TENM2: variants seen among roughly 807,000 people sequenced by gnomAD.
The protein encoded by TENM2 is teneurin-2.
Under a neutral mutation model 245.2 loss-of-function variants are expected in TENM2, and 52 were observed. The observed-to-expected ratio is 0.21, with a 90% CI of 0.17 to 0.27. The LOEUF is 0.27. Among genes scored for constraint, TENM2 ranks in the 10% least tolerant of loss-of-function variants. TENM2 has a pLI of 1.00. For missense variants in TENM2, 3,046 were observed against 3,666.8 expected (o/e 0.83, Z 4.37); for synonymous variants, 1,363 against 1,438.9 (o/e 0.95, Z 1.19).
At chr5:168,209,789 C>G (rs760535713) in intron 19 of TENM2, among the ~76,000 whole-genome samples, 1 of 152,198 alleles carries the variant, frequency 6.6e-6, no homozygotes, top group Non-Finnish European at 1.5e-5. Context: ...CCCTAACTCT[C>G]TCCTGGGCCT....
At chr5:168,085,245 C>T (rs571311093) in intron 7 of TENM2, 5 of 152,304 alleles carry the variant, frequency 3.3e-5, no homozygotes, top group Admixed American at 6.5e-5. Context: ...ATTACTTTTG[C>T]TGCTGCTGCA....
intron 2 of TENM2, among the ~76,000 whole-genome samples, chr5:167,617,298 CTG>C (rs1459227715): frequency 2.0e-5 from 3 of 152,076 alleles, no homozygotes; most frequent in Admixed American, 6.5e-5. Flanking sequence ...CCAGTAAAGT[CTG>C]TGGTTTAGTT....
exon 16 of TENM2, chr5:168,198,984 C>A (rs1476486220): frequency 6.2e-7 from 1 of 1,614,012 alleles, no homozygotes; most frequent in Non-Finnish European, 8.5e-7. Flanking sequence ...GTGATGAAGA[C>A]CGAGGAGAAC....
chr5:167,791,506 TTATAA>T (rs1458514425), intron 2 of TENM2, among the ~76,000 whole-genome samples: 2 of 51,172 alleles, frequency 3.9e-5, no homozygotes, highest in Admixed American at 2.5e-4. Flanking sequence ...TTTTTATATA[TTATAA>T]TATATAAATA....
At chr5:168,051,265 G>T (rs1420330491) in intron 6 of TENM2, among the ~76,000 whole-genome samples, 1 of 152,110 alleles carries the variant, frequency 6.6e-6, no homozygotes, top group East Asian at 1.9e-4. Context: ...CTATATCAGG[G>T]GTCAGCAAAC....
At chr5:167,239,675 AAAAT>A in the TENM2 span, among the ~76,000 whole-genome samples, 1 of 152,252 alleles carries the variant, frequency 6.6e-6, no homozygotes, top group Non-Finnish European at 1.5e-5. Flanking sequence ...AACAGTGCCT[AAAAT>A]AAAGAACATC....
intron 2 of TENM2, among the ~76,000 whole-genome samples, chr5:167,438,091 T>G (rs1441265143): frequency 1.3e-5 from 2 of 152,168 alleles, no homozygotes; most frequent in East Asian, 3.9e-4. Context: ...CCATATAAAA[T>G]ATAGTCTACT....
intron 2 of TENM2, among the ~76,000 whole-genome samples, chr5:167,585,654 T>C (rs890175452): frequency 1.2e-4 from 18 of 152,220 alleles, no homozygotes; most frequent in African/African-American, 4.3e-4. Flanking sequence ...TATTTCTATG[T>C]TACACAAAGA....
chr5:168,158,831 A>G (rs868462298), intron 12 of TENM2, among the ~76,000 whole-genome samples: 1,248 of 72,826 alleles, frequency 0.017, 34 homozygotes, highest in African/African-American at 0.057. Flanking sequence ...GTGTGTGTGT[A>G]TATATATATA....
chr5:167,139,432 A>G, the TENM2 span, among the ~76,000 whole-genome samples: 2 of 152,260 alleles, frequency 1.3e-5, no homozygotes, highest in African/African-American at 4.8e-5. Context: ...TGTATGACAC[A>G]TAGATTCATA....
intron 2 of TENM2, among the ~76,000 whole-genome samples, chr5:167,384,476 A>G (rs964033027): frequency 6.6e-6 from 1 of 152,160 alleles, no homozygotes; most frequent in Non-Finnish European, 1.5e-5. Context: ...AAAAATTCCA[A>G]CTCCAGTCAG....
chr5:167,723,268 C>T (rs1336451715), intron 2 of TENM2, among the ~76,000 whole-genome samples: 2 of 152,112 alleles, frequency 1.3e-5, no homozygotes, highest in Non-Finnish European at 2.9e-5. Context: ...TCATTCCAGA[C>T]GCCCAGCCTG....
the TENM2 span, among the ~76,000 whole-genome samples, chr5:167,214,451 C>G: frequency 2.0e-5 from 3 of 152,154 alleles, no homozygotes; most frequent in Non-Finnish European, 4.4e-5. Context: ...AATTCAGAAC[C>G]TTCCTGCATT....
chr5:167,583,795 C>G (rs1775279282), intron 2 of TENM2, among the ~76,000 whole-genome samples: 1 of 152,206 alleles, frequency 6.6e-6, no homozygotes, highest in Admixed American at 6.5e-5. Flanking sequence ...TCCCAATCTT[C>G]TACATTTTCC....
At chr5:167,057,247 CT>C in the TENM2 span, among the ~76,000 whole-genome samples, 1 of 152,172 alleles carries the variant, frequency 6.6e-6, no homozygotes, top group East Asian at 1.9e-4. Flanking sequence ...ATGTTGTGTA[CT>C]TTTTCTGTTA....
intron 3 of TENM2, among the ~76,000 whole-genome samples, chr5:167,887,728 C>A (rs1774402129): frequency 6.6e-6 from 1 of 152,212 alleles, no homozygotes; most frequent in African/African-American, 2.4e-5. Flanking sequence ...CTAGGGAATG[C>A]ATGCGCTTAG....
At chr5:168,258,544 T>C (rs1314376111) in intron 27 of TENM2, among the ~76,000 whole-genome samples, 1 of 151,844 alleles carries the variant, frequency 6.6e-6, no homozygotes, top group Non-Finnish European at 1.5e-5. Context: ...ATGTATCAAC[T>C]GGTAAATGGA....
intron 15 of TENM2, among the ~76,000 whole-genome samples, chr5:168,198,343 C>A (rs1406350037): frequency 6.6e-6 from 1 of 151,868 alleles, no homozygotes; most frequent in Non-Finnish European, 1.5e-5. Context: ...CTACAGGCAC[C>A]CACCACCATG....
At chr5:167,435,069 A>G (rs1764465831) in intron 2 of TENM2, among the ~76,000 whole-genome samples, 2 of 152,288 alleles carry the variant, frequency 1.3e-5, no homozygotes, top group Non-Finnish European at 2.9e-5. Context: ...TCTATACCTC[A>G]TTTATGGATC....
Sources: allele counts gnomAD v4.1 joint callset (sites outside exome capture counted in the v4.1 genomes callset), GRCh38; gene constraint gnomAD v4.1.1; transcripts MANE v1.5; gene names NCBI Gene and HGNC (gene_info 2026-07-23, HGNC 2026-07-21).